ZAN: variants seen among roughly 807,000 people sequenced by gnomAD.
ZAN encodes the protein zonadhesin (gene/pseudogene).
ZAN carries 260 observed loss-of-function variants against 286.2 expected under a neutral mutation model. The ratio of observed to expected loss-of-function variants is 0.91; its 90% CI spans 0.82 to 1.01. The LOEUF (loss-of-function observed/expected upper bound fraction) is 1.01, where lower values mean the gene tolerates loss of function less well. ZAN is among the 50% of genes least tolerant of loss of function. ZAN has a pLI of 0.00. For missense variants in ZAN, 3,410 were observed against 3,639.2 expected (o/e 0.94, Z 1.62); for synonymous variants, 1,368 against 1,417.5 (o/e 0.97, Z 0.79).
chr7:100,750,023 C>G (rs1808534616), intron 11 of ZAN, among the ~76,000 whole-genome samples: 1 of 139,580 alleles, frequency 7.2e-6, no homozygotes, highest in Admixed American at 7.4e-5. Flanking sequence ...TGCACTCCAG[C>G]CTGGGCAACA....
chr7:100,769,906 C>A lies in ZAN; in HGVS notation c.5180C>A (p.Ser1727Tyr). 9 of 1,561,340 alleles carry A rather than the reference C, an allele frequency of 5.8e-6. No homozygotes were observed. Among genetic ancestry groups the A allele is most frequent in the Non-Finnish European group, 7.8e-6 (9 of 1,152,242 alleles). ...TGTTTCCTTGTGGGTGGCAAGCCCT[C>A]CAGCTGCCAGGAGAACAGCATGGCA... ...PGCFLVGGKP[S>Y]SCQENSMADA... is the part of the protein sequence containing the mutation. Residue 1727 changes from serine to tyrosine, a missense_variant, in exon 28 of 48, where the codon TCC becomes TAC. Around this residue, in one of 7 missense-constraint regions of ZAN, gnomAD observed 1,042 missense variants for 1,058.0 expected, o/e 0.98. Transcript: ENST00000613979.
Position 100,750,656 on chromosome 7 carries a change from G to C in ZAN, c.1281G>C (p.Glu427Asp). 1.2e-6 allele frequency: 2 copies of C among 1,613,430 alleles called. No homozygotes were observed. Among genetic ancestry groups the C allele is most frequent in the Non-Finnish European group, 1.7e-6 (2 of 1,179,722 alleles). ...ACTATATCTACCTTGAGGCTGACGA[G>C]TTCTCCCAGGCAGGCCAGTCAGTCA... ...GGHYIYLEAD[E>D]FSQAGQSVRL... The change falls in exon 12 of 48, where the codon GAG (glutamate) becomes GAC (aspartate). Residue 427 changes from glutamate (E) to aspartate (D), a missense_variant. Glu to Asp is a conservative substitution (Grantham distance 45). Around this residue, in one of 7 missense-constraint regions of ZAN, gnomAD observed 872 missense variants for 938.9 expected, o/e 0.93. Coordinates refer to ENST00000613979, the MANE Select transcript of ZAN (RefSeq NM_003386.3).
chr7:100,739,842 G>C (rs1235696607), intron 7 of ZAN, among the ~76,000 whole-genome samples: 3 of 137,992 alleles, frequency 2.2e-5, no homozygotes, highest in African/African-American at 7.9e-5. Context: ...GTTTTTAGTA[G>C]AGACGGGGTT....
intron 44 of ZAN, among the ~76,000 whole-genome samples, chr7:100,794,920 A>C (rs1812248339): frequency 6.7e-6 from 1 of 148,788 alleles, no homozygotes. Context: ...GAGGAGAGGA[A>C]GGGAGAGGAG....
intron 22 of ZAN, among the ~76,000 whole-genome samples, chr7:100,764,920 C>T (rs192746611): frequency 2.2e-4 from 34 of 152,132 alleles, no homozygotes; most frequent in Non-Finnish European, 2.2e-4. Flanking sequence ...AGTCATCACA[C>T]GCAGGCACAC....
chr7:100,735,487 A>T (rs1321667802), intron 2 of ZAN, among the ~76,000 whole-genome samples: 1 of 134,920 alleles, frequency 7.4e-6, no homozygotes, highest in African/African-American at 2.7e-5. Flanking sequence ...GGATTGCTGG[A>T]GCCCAGAGGT....
At position 100,782,317 on chromosome 7, in the gene ZAN, T is replaced by C. The variant is rs748901617; in HGVS notation, c.6623-2306T>C. ...AGCCCCACAGAAGCTACAAAAGAGT[T>C]TGCTGATTCTTTGCTCTAGAAATTT... On this transcript the variant is annotated intron_variant, in intron 35 of 47. Coordinates refer to ENST00000613979, the MANE Select transcript of ZAN (RefSeq NM_003386.3). Among the ~76,000 whole-genome samples the C allele has an allele frequency of 1.1e-4, 17 of 152,126 alleles. 1 individual carries two copies. Among genetic ancestry groups the C allele is most frequent in the Non-Finnish European group, 2.4e-4 (16 of 68,026 alleles).
Position 100,762,190 on chromosome 7 carries a change from G to C in ZAN, c.3843-25G>C, listed in dbSNP as rs1265368258. 3 of 1,610,548 alleles carry C rather than the reference G, an allele frequency of 1.9e-6. No individual in the cohort carries two copies. The African/African-American group carries it at 4.0e-5, about 22-fold the overall frequency. On this transcript the variant is annotated intron_variant, in intron 19 of 47. Coordinates refer to ENST00000613979, the MANE Select transcript of ZAN (RefSeq NM_003386.3). Reference sequence around the variant, plus strand: ...ACCGAGGCTGCTTCTCTCCATTAACGCCAGCTCCTCTCCTGTTCCCCTAGC... The same window carrying C: ...ACCGAGGCTGCTTCTCTCCATTAACCCCAGCTCCTCTCCTGTTCCCCTAGC...
At chr7:100,765,849 C>T (rs547493475) in intron 23 of ZAN, among the ~76,000 whole-genome samples, 54 of 151,952 alleles carry the variant, frequency 3.6e-4, no homozygotes, top group African/African-American at 1.2e-3. Context: ...GGGTAGGGGG[C>T]GGTTTCACCA....
Position 100,762,160 on chromosome 7 carries a change from C to G in ZAN, c.3843-55C>G, listed in dbSNP as rs1809628610. 39 of 1,605,172 alleles carry G rather than the reference C, an allele frequency of 2.4e-5. No individual in the cohort carries two copies. The South Asian group carries it at 4.3e-4, about 18-fold the overall frequency. On this transcript the variant is annotated intron_variant, in intron 19 of 47. Coordinates refer to ENST00000613979, the MANE Select transcript of ZAN (RefSeq NM_003386.3). ...CCTTGCCTTCTCTGCCACTGCCCCT[C>G]GAGGACCGAGGCTGCTTCTCTCCAT...
chr7:100,789,370 G>T (rs776660145), intron 39 of ZAN, 23 bp downstream of exon 39: 1 of 1,603,968 alleles, frequency 6.2e-7, no homozygotes, highest in African/African-American at 1.3e-5. Context: ...GGGGAAAGAA[G>T]AGCAAAAGGG....
chr7:100,750,853 A>G lies in ZAN; in HGVS notation c.1478A>G (p.Asn493Ser). ...GGGTCTCAGCGCCCTTACTGGCAGA[A>G]CACCTCCGTCACCGTCCCCTCAGGA... ...RVGSQRPYWQ[N>S]TSVTVPSGHQ... The change falls in exon 12 of 48, where the codon AAC becomes AGC. Residue 493 changes from asparagine to serine, a missense_variant. By Grantham distance (46) the Asn-to-Ser change is conservative. Transcript: ENST00000613979. 6.3e-7 allele frequency: 1 copy of G among 1,579,338 alleles called. No homozygotes were observed. The highest frequency in any genetic ancestry group is 8.6e-7 in the Non-Finnish European group (1 of 1,160,778).
In ZAN at chr7:100,759,832, G is replaced by T. The variant is rs1809422888; in HGVS notation, c.3683G>T (p.Gly1228Val). The T allele has an allele frequency of 6.2e-7, 1 of 1,612,768 alleles. No homozygotes were observed. Among genetic ancestry groups the T allele is most frequent in the Admixed American group, 1.7e-5 (1 of 59,932 alleles). ...LPESTVTLLK[G>V]RRTLVGGQQV... ...GAGAGCACCGTCACCCTGCTTAAGGGCAGACGCACTCTGGTGAGCCCCATT... is the reference window on the plus strand; with the variant it reads ...GAGAGCACCGTCACCCTGCTTAAGGTCAGACGCACTCTGGTGAGCCCCATT... The change falls in exon 18 of 48, where the codon GGC (glycine) becomes GTC (valine). Residue 1228 changes from glycine to valine, a missense_variant. Physicochemically the swap from Gly to Val is moderately radical, Grantham distance 109. Transcript: ENST00000613979.
chr7:100,760,268 G>A (rs1809462546), intron 18 of ZAN, 123 bp from the exon 19 acceptor site: 3 of 1,320,664 alleles, frequency 2.3e-6, no homozygotes, highest in Non-Finnish European at 3.2e-6. Flanking sequence ...TCCACTCCTG[G>A]TGGATGAGAT....
chr7:100,786,034 A>C lies in ZAN; in HGVS notation c.6872A>C (p.Lys2291Thr). Reference protein sequence around the residue: ...KSWVSSGCTEKCVCTGGAIQC... With the variant: ...KSWVSSGCTETCVCTGGAIQC... ...TGGGTCTCCAGCGGTTGCACGGAGA[A>C]GTGTGTCTGCACGGGAGGAGCCATT... The change falls in exon 37 of 48, where the codon AAG (lysine) becomes ACG (threonine). Residue 2291 changes from lysine (K) to threonine (T), a missense_variant. Lys to Thr is a moderately conservative substitution (Grantham distance 78). Around this residue, in one of 7 missense-constraint regions of ZAN, gnomAD observed 1,289 missense variants for 1,314.3 expected, o/e 0.98. Coordinates refer to ENST00000613979, the MANE Select transcript of ZAN (RefSeq NM_003386.3). 6.2e-7 allele frequency: 1 copy of C among 1,613,940 alleles called. No individual in the cohort carries two copies. The highest frequency in any genetic ancestry group is 2.2e-5 in the East Asian group (1 of 44,878).
At chr7:100,753,461 C>T (rs73711168) in intron 14 of ZAN, among the ~76,000 whole-genome samples, 1,620 of 152,222 alleles carry the variant, frequency 0.011, 31 homozygotes, top group African/African-American at 0.036. Context: ...GACTGAACCA[C>T]GAGGCTTCCT....
At chr7:100,776,963 A>G (rs1156920128) in intron 34 of ZAN, among the ~76,000 whole-genome samples, 2 of 144,086 alleles carry the variant, frequency 1.4e-5, no homozygotes, top group East Asian at 4.1e-4. Context: ...CGATCTTCTG[A>G]CCTCGTGATC....
chr7:100,750,784 G>A lies in ZAN; in HGVS notation c.1409G>A (p.Gly470Glu), dbSNP rs758826727. The change falls in exon 12 of 48, where the codon GGA becomes GAA. Residue 470 changes from glycine to glutamate, a missense_variant. By Grantham distance (98) the Gly-to-Glu change is moderately conservative. Coordinates refer to ENST00000613979, the MANE Select transcript of ZAN (RefSeq NM_003386.3). Reference sequence around the variant, plus strand: ...GGTACTATGCTCGAACTCCTCCTGGGAAGTCCTGCGGGGAGTCCCCCGATT... The same window carrying A: ...GGTACTATGCTCGAACTCCTCCTGGAAAGTCCTGCGGGGAGTCCCCCGATT... ...GEGTMLELLLGSPAGSPPIPL... is the reference protein window; with the variant it reads ...GEGTMLELLLESPAGSPPIPL... 6.2e-7 allele frequency: 1 copy of A among 1,612,460 alleles called. No individual in the cohort carries two copies. Among genetic ancestry groups the A allele is most frequent in the African/African-American group, 1.3e-5 (1 of 74,928 alleles).
intron 34 of ZAN, among the ~76,000 whole-genome samples, chr7:100,778,009 C>G (rs1414467424): frequency 6.6e-6 from 1 of 152,044 alleles, no homozygotes; most frequent in Non-Finnish European, 1.5e-5. Flanking sequence ...GCTTAGAAAC[C>G]TTGGAGGAGG....
Sources: allele counts gnomAD v4.1 joint callset (sites outside exome capture counted in the v4.1 genomes callset), GRCh38; gene constraint gnomAD v4.1.1; regional missense constraint gnomAD v4.1.1; transcripts MANE v1.5; gene names NCBI Gene and HGNC (gene_info 2026-07-23, HGNC 2026-07-21).